Variants in SHROOM3 observed in about 807,000 individuals in gnomAD.
SHROOM3 encodes the protein protein Shroom3.
Under a neutral mutation model 138.6 loss-of-function variants are expected in SHROOM3, and 47 were observed. The ratio of observed to expected loss-of-function variants is 0.34; its 90% CI spans 0.27 to 0.43. The LOEUF (loss-of-function observed/expected upper bound fraction) is 0.43, where lower values mean the gene tolerates loss of function less well. Among genes scored for constraint, SHROOM3 ranks in the 20% least tolerant of loss-of-function variants. The pLI is 1.00. For synonymous variants in SHROOM3, 1,062 were observed against 1,063.3 expected (o/e 1.00, Z 0.02); for missense variants, 2,491 against 2,596.5 (o/e 0.96, Z 0.88).
At chr4:76,759,440 A>C (rs1721924300) in intron 8 of SHROOM3, 105 bp from the exon 9 acceptor site, 1 of 1,445,956 alleles carries the variant, frequency 6.9e-7, no homozygotes, top group Non-Finnish European at 9.7e-7. Flanking sequence ...CTGGGAAAGA[A>C]ATTAAATAGA....
chr4:76,495,237 T>A (rs1199014963), intron 1 of SHROOM3, among the ~76,000 whole-genome samples: 1 of 152,226 alleles, frequency 6.6e-6, no homozygotes, highest in East Asian at 1.9e-4. Context: ...CCAGGTCCCC[T>A]TAACTGGATT....
intron 10 of SHROOM3, among the ~76,000 whole-genome samples, chr4:76,773,122 A>C (rs895638735): frequency 6.6e-6 from 1 of 152,114 alleles, no homozygotes; most frequent in Non-Finnish European, 1.5e-5. Context: ...CACACCTGTA[A>C]TCCCAGCACT....
chr4:76,581,132 T>C (rs1286033542), intron 2 of SHROOM3, among the ~76,000 whole-genome samples: 1 of 152,214 alleles, frequency 6.6e-6, no homozygotes, highest in Non-Finnish European at 1.5e-5. Flanking sequence ...TGTAACTCTT[T>C]TACCTGCTAT....
At chr4:76,491,192 C>T (rs916493300) in intron 1 of SHROOM3, among the ~76,000 whole-genome samples, 2 of 152,168 alleles carry the variant, frequency 1.3e-5, no homozygotes, top group African/African-American at 4.8e-5. Flanking sequence ...GACATGGGCA[C>T]TGACCAGATG....
At chr4:76,764,738 T>C (rs1179351025) in intron 9 of SHROOM3, among the ~76,000 whole-genome samples, 1 of 152,220 alleles carries the variant, frequency 6.6e-6, no homozygotes, top group East Asian at 1.9e-4. Flanking sequence ...TGGCTCCTCC[T>C]GTATGCAATG....
At chr4:76,441,157 C>G (rs897075003) in intron 1 of SHROOM3, among the ~76,000 whole-genome samples, 18 of 135,098 alleles carry the variant, frequency 1.3e-4, no homozygotes, top group Admixed American at 2.6e-4. Context: ...TGCAGTGGCG[C>G]GATCTCGGCT....
chr4:76,690,848 G>A (rs1719508900), intron 2 of SHROOM3, among the ~76,000 whole-genome samples: 1 of 151,870 alleles, frequency 6.6e-6, no homozygotes, highest in South Asian at 2.1e-4. Context: ...TTCAGCTATG[G>A]ACTTTTTTTT....
At chr4:76,447,913 C>T (rs1302455736) in intron 1 of SHROOM3, among the ~76,000 whole-genome samples, 1 of 152,062 alleles carries the variant, frequency 6.6e-6, no homozygotes, top group Admixed American at 6.6e-5. Flanking sequence ...TGTAGACCCC[C>T]TCCACTGGGC....
At chr4:76,563,717 G>A (rs1467585615) in intron 2 of SHROOM3, among the ~76,000 whole-genome samples, 1 of 152,174 alleles carries the variant, frequency 6.6e-6, no homozygotes, top group East Asian at 1.9e-4. Context: ...CAGAAAAGGT[G>A]CAGTGACCTT....
intron 1 of SHROOM3, among the ~76,000 whole-genome samples, chr4:76,489,664 G>A (rs1248995538): frequency 2.6e-5 from 4 of 152,178 alleles, no homozygotes; most frequent in Non-Finnish European, 5.9e-5. Flanking sequence ...ATGAGGCCTT[G>A]GGGTTTTGGA....
At chr4:76,738,166 C>A (rs1721132713) in intron 4 of SHROOM3, among the ~76,000 whole-genome samples, 1 of 152,150 alleles carries the variant, frequency 6.6e-6, no homozygotes. Flanking sequence ...TTTTCTGACT[C>A]TAATTTCTCT....
At chr4:76,611,252 GTCTCTCTC>G (rs143392800) in intron 2 of SHROOM3, among the ~76,000 whole-genome samples, 1 of 149,516 alleles carries the variant, frequency 6.7e-6, no homozygotes, top group East Asian at 2.0e-4. Context: ...CTCTCTCTGT[GTCTCTCTC>G]TCTCTCTCTC....
chr4:76,513,243 A>G (rs1732375365), intron 1 of SHROOM3, among the ~76,000 whole-genome samples: 2 of 152,188 alleles, frequency 1.3e-5, no homozygotes, highest in African/African-American at 2.4e-5. Context: ...TGCCAGCTAA[A>G]CACAAGGAAA....
At chr4:76,635,795 T>C (rs1370067602) in intron 2 of SHROOM3, among the ~76,000 whole-genome samples, 2 of 152,196 alleles carry the variant, frequency 1.3e-5, no homozygotes, top group African/African-American at 4.8e-5. Context: ...ACTTGAGATG[T>C]GAGGTCCTCT....
At chr4:76,588,939 T>G (rs1218539571) in intron 2 of SHROOM3, among the ~76,000 whole-genome samples, 1 of 152,224 alleles carries the variant, frequency 6.6e-6, no homozygotes, top group African/African-American at 2.4e-5. Context: ...GATCACATTT[T>G]GGTGACGGGT....
intron 1 of SHROOM3, among the ~76,000 whole-genome samples, chr4:76,515,213 TAA>T (rs67216189): frequency 2.8e-4 from 32 of 113,026 alleles, no homozygotes; most frequent in African/African-American, 3.1e-4. Context: ...AAACTCTGTC[TAA>T]AAAAAAAAAA....
intron 1 of SHROOM3, among the ~76,000 whole-genome samples, chr4:76,535,899 A>G (rs1218522230): frequency 6.6e-6 from 1 of 152,236 alleles, no homozygotes; most frequent in East Asian, 1.9e-4. Flanking sequence ...TCAGGAGGTC[A>G]AAAGAGAAGA....
At chr4:76,773,360 C>T (rs1446920593) in intron 10 of SHROOM3, among the ~76,000 whole-genome samples, 2 of 114,706 alleles carry the variant, frequency 1.7e-5, no homozygotes, top group Admixed American at 1.1e-4. Flanking sequence ...GGTGACAGAG[C>T]AAGACTGTCT....
intron 3 of SHROOM3, 26 bp from the exon 4 acceptor site, chr4:76,730,777 TG>T (rs754278317): frequency 2.5e-6 from 4 of 1,613,506 alleles, no homozygotes; most frequent in Non-Finnish European, 3.4e-6. Flanking sequence ...TGGCTAATGT[TG>T]GGGGGTCCCT....
Sources: gnomAD v4.1 joint callset for allele counts (sites outside exome capture counted in the v4.1 genomes callset) on GRCh38, gnomAD v4.1.1 for gene constraint, MANE v1.5 for transcripts, NCBI Gene and HGNC (gene_info 2026-07-23, HGNC 2026-07-21) for gene names.